SSH2: variants seen among roughly 807,000 people sequenced by gnomAD.
The protein encoded by SSH2 is slingshot protein phosphatase 2.
SSH2 carries 37 observed loss-of-function variants against 135.2 expected under a neutral mutation model. That is an observed-to-expected ratio of 0.27 (90% CI 0.21 to 0.36). SSH2 has a LOEUF of 0.36. Ranked by LOEUF, SSH2 falls within the 10% of genes least tolerant of loss-of-function variation. SSH2 has a pLI of 1.00. For synonymous variants in SSH2, 628 were observed against 646.2 expected (o/e 0.97, Z 0.43); for missense variants, 1,408 against 1,765.3 (o/e 0.80, Z 3.63).
At chr17:29,914,509 T>C (rs754763485) in intron 1 of SSH2, among the ~76,000 whole-genome samples, 2 of 149,532 alleles carry the variant, frequency 1.3e-5, no homozygotes, top group Non-Finnish European at 3.0e-5. Flanking sequence ...AGGTGAGCTA[T>C]GATCATACCA....
At chr17:29,773,549 TC>T (rs1342101883) in intron 3 of SSH2, among the ~76,000 whole-genome samples, 1 of 152,220 alleles carries the variant, frequency 6.6e-6, no homozygotes, top group Non-Finnish European at 1.5e-5. Flanking sequence ...TATTAAATGC[TC>T]CTTAATTTCA....
intron 1 of SSH2, among the ~76,000 whole-genome samples, chr17:29,852,335 G>A (rs1219166427): frequency 6.6e-6 from 1 of 151,654 alleles, no homozygotes; most frequent in African/African-American, 2.4e-5. Context: ...CATTCCTAAA[G>A]TTATTTTAAG....
chr17:29,889,463 C>A (rs912881167), intron 1 of SSH2, among the ~76,000 whole-genome samples: 1 of 151,634 alleles, frequency 6.6e-6, no homozygotes, highest in Non-Finnish European at 1.5e-5. Flanking sequence ...AAACAAAAAA[C>A]CAAAAAACTC....
intron 1 of SSH2, among the ~76,000 whole-genome samples, chr17:29,851,244 G>C (rs1488059200): frequency 6.6e-6 from 1 of 152,090 alleles, no homozygotes; most frequent in Non-Finnish European, 1.5e-5. Context: ...TACTACAACA[G>C]ATAATAATAT....
chr17:29,809,085 C>G (rs1401716634), intron 2 of SSH2, among the ~76,000 whole-genome samples: 1 of 152,148 alleles, frequency 6.6e-6, no homozygotes, highest in Non-Finnish European at 1.5e-5. Flanking sequence ...AAAACTTCGT[C>G]TCTACTAAAA....
In SSH2 at chr17:29,742,417, C is replaced by T. The variant is rs137993193; in HGVS notation, c.189-39355G>A. 7.0e-4 allele frequency among the ~76,000 whole-genome samples: 102 copies of T among 145,296 alleles called. 1 individual carries two copies. In the East Asian group the frequency reaches 0.019, roughly 27 times the overall value. ...CACTGAATCCTTGACCTCCTGGGCT[C>T]AAACAATCCTCCTGGGTCAGCCTCC... On this transcript the variant is annotated intron_variant, in intron 3 of 15. Coordinates refer to ENST00000540801, the MANE Select transcript of SSH2 (RefSeq NM_001282129.2).
intron 1 of SSH2, among the ~76,000 whole-genome samples, chr17:29,917,307 C>T (rs2151481693): frequency 6.6e-6 from 1 of 152,306 alleles, no homozygotes; most frequent in East Asian, 1.9e-4. Context: ...TTTTGCTCTT[C>T]CATCTTTTCC....
At chr17:29,680,331 G>A (rs1262561475) in intron 6 of SSH2, among the ~76,000 whole-genome samples, 1 of 151,744 alleles carries the variant, frequency 6.6e-6, no homozygotes, top group Non-Finnish European at 1.5e-5. Context: ...GGGAGGCCGA[G>A]GTCAGGAGTT....
intron 11 of SSH2, among the ~76,000 whole-genome samples, chr17:29,664,107 C>T (rs1177276280): frequency 2.6e-5 from 4 of 152,138 alleles, no homozygotes; most frequent in African/African-American, 9.7e-5. Context: ...TGGGGCTGGG[C>T]GCGATGGCTC....
intron 3 of SSH2, among the ~76,000 whole-genome samples, chr17:29,708,795 G>C (rs901039083): frequency 2.0e-5 from 3 of 151,262 alleles, no homozygotes; most frequent in African/African-American, 7.3e-5. Flanking sequence ...AGTAAGGAAT[G>C]AATGAGATAA....
intron 3 of SSH2, among the ~76,000 whole-genome samples, chr17:29,743,194 G>A (rs1206450664): frequency 1.3e-5 from 2 of 152,118 alleles, no homozygotes; most frequent in African/African-American, 4.8e-5. Flanking sequence ...GGGATTACAG[G>A]CGTGACCACC....
rs1244366269 is a variant in SSH2, at chr17:29,736,469, CATAAGGT to C, written c.189-33414_189-33408del. On this transcript the variant is annotated intron_variant, in intron 3 of 15. Transcript: ENST00000540801. ...ATGCTACATGGGAAAAAAGATTAAA[CATAAGGT>C]ATAACAGTTACTATAAAGGCTAATT... 4.6e-5 allele frequency among the ~76,000 whole-genome samples: 7 copies of C among 152,276 alleles called. No homozygotes were observed. In the East Asian group the frequency reaches 1.2e-3, roughly 25 times the overall value.
Position 29,881,384 on chromosome 17 carries a change from T to G in SSH2, c.64-32455A>C, listed in dbSNP as rs118129749. Reference sequence around the variant, plus strand: ...AAAAGGAGAAATCAAAATCCTTATATTAAATGGAGTTAGGGAATTGTGAAC... The same window carrying G: ...AAAAGGAGAAATCAAAATCCTTATAGTAAATGGAGTTAGGGAATTGTGAAC... On this transcript the variant is annotated intron_variant, in intron 1 of 15. Coordinates refer to ENST00000540801, the MANE Select transcript of SSH2 (RefSeq NM_001282129.2). Among the ~76,000 whole-genome samples the G allele has an allele frequency of 7.8e-4, 119 of 152,334 alleles. No homozygotes were observed. In the Middle Eastern group the frequency reaches 0.01, roughly 13 times the overall value.
In SSH2 at chr17:29,880,068, G is replaced by A. The variant is rs142370017; in HGVS notation, c.64-31139C>T. Among the ~76,000 whole-genome samples, 12 of 152,142 alleles carry A rather than the reference G, an allele frequency of 7.9e-5. 1 individual carries two copies. The highest frequency in any genetic ancestry group is 2.4e-4 in the African/African-American group (10 of 41,488). ...TGAACAGCCTTCTAGTCATTCATTC[G>A]ATTATCCATCCATCCATCCATTATC... On this transcript the variant is annotated intron_variant, in intron 1 of 15. Coordinates refer to ENST00000540801, the MANE Select transcript of SSH2 (RefSeq NM_001282129.2).
Position 29,672,046 on chromosome 17 carries a change from A to G in SSH2, c.698T>C (p.Val233Ala). The G allele has an allele frequency of 6.2e-7, 1 of 1,614,172 alleles. No individual in the cohort carries two copies. The highest frequency in any genetic ancestry group is 1.1e-5 in the South Asian group (1 of 91,078). The part of the protein sequence containing the change: ...YYPGSLFLTW[V>A]SYYESHINSD... ...GTTGATATGGCTCTCATAATAACTC[A>G]CCCAAGTGAGAAATAGGCTGCCTGG... The change falls in exon 9 of 16, where the codon GTG (valine) becomes GCG (alanine). Residue 233 changes from valine to alanine, a missense_variant. Coordinates refer to ENST00000540801, the MANE Select transcript of SSH2 (RefSeq NM_001282129.2).
chr17:29,664,466 T>C (rs2037189699), intron 11 of SSH2, among the ~76,000 whole-genome samples: 2 of 152,138 alleles, frequency 1.3e-5, no homozygotes, highest in Non-Finnish European at 2.9e-5. Context: ...TGATAATCTG[T>C]TGTCTTCTAA....
chr17:29,864,886 TA>T, intron 1 of SSH2, among the ~76,000 whole-genome samples: 1 of 152,232 alleles, frequency 6.6e-6, no homozygotes, highest in African/African-American at 2.4e-5. Flanking sequence ...ATCTACCAAA[TA>T]AAAATCTAGT....
At chr17:29,709,052 A>AGAGCGAGAGAGAGCGC (rs1491229455) in intron 3 of SSH2, among the ~76,000 whole-genome samples, 1 of 144,602 alleles carries the variant, frequency 6.9e-6, no homozygotes, top group African/African-American at 2.6e-5. Flanking sequence ...AGAGAGAGAG[A>AGAGCGAGAGAGAGCGC]GCTAATAATA....
At chr17:29,908,840 A>G (rs1354850872) in intron 1 of SSH2, among the ~76,000 whole-genome samples, 1 of 148,834 alleles carries the variant, frequency 6.7e-6, no homozygotes, top group African/African-American at 2.5e-5. Context: ...GCAATTTGAG[A>G]GGCCAAGGCG....
Sources: allele counts gnomAD v4.1 joint callset (sites outside exome capture counted in the v4.1 genomes callset), GRCh38; gene constraint gnomAD v4.1.1; transcripts MANE v1.5; gene names NCBI Gene and HGNC (gene_info 2026-07-23, HGNC 2026-07-21).